Variants in DOCK1 observed in about 807,000 individuals in gnomAD.
DOCK1 encodes dedicator of cytokinesis 1.
DOCK1 carries 138 observed loss-of-function variants against 262.7 expected under a neutral mutation model. The ratio of observed to expected loss-of-function variants is 0.53; its 90% CI spans 0.46 to 0.61. The LOEUF (loss-of-function observed/expected upper bound fraction) is 0.61, where lower values mean the gene tolerates loss of function less well. DOCK1 is among the 20% of genes least tolerant of loss of function. The pLI, the probability that DOCK1 is intolerant of heterozygous loss-of-function variation, is 0.00. For missense variants in DOCK1, 1,908 were observed against 2,370.7 expected (o/e 0.80, Z 4.05); for synonymous variants, 866 against 867.4 (o/e 1.00, Z 0.03).
chr10:127,309,744 T>C (rs1268613840), intron 29 of DOCK1, among the ~76,000 whole-genome samples: 1 of 152,234 alleles, frequency 6.6e-6, no homozygotes, highest in Admixed American at 6.5e-5. Context: ...TGATCATTTT[T>C]AAGGCTGGTT....
chr10:127,321,349 GCT>G (rs1181178984), intron 29 of DOCK1, among the ~76,000 whole-genome samples: 2 of 107,006 alleles, frequency 1.9e-5, no homozygotes, highest in Non-Finnish European at 3.5e-5. Context: ...CCCTTCTCTC[GCT>G]CTCTCTCTAG....
chr10:127,098,905 A>C (rs1189390385), intron 23 of DOCK1, among the ~76,000 whole-genome samples: 1 of 152,184 alleles, frequency 6.6e-6, no homozygotes, highest in Non-Finnish European at 1.5e-5. Flanking sequence ...CACAGAGGAA[A>C]CTGAAGGTTT....
intron 23 of DOCK1, among the ~76,000 whole-genome samples, chr10:127,077,463 C>T (rs746870972): frequency 5.3e-5 from 8 of 152,152 alleles, no homozygotes; most frequent in Admixed American, 6.5e-5. Flanking sequence ...TGCTTCATGT[C>T]GGTTGGCTTC....
intron 29 of DOCK1, among the ~76,000 whole-genome samples, chr10:127,330,275 C>A (rs2062918910): frequency 6.6e-6 from 1 of 151,986 alleles, no homozygotes; most frequent in South Asian, 2.1e-4. Context: ...TTTAAAGAAC[C>A]AACACAGGCA....
intron 27 of DOCK1, among the ~76,000 whole-genome samples, chr10:127,179,051 T>C (rs1188127521): frequency 6.6e-6 from 1 of 152,206 alleles, no homozygotes; most frequent in African/African-American, 2.4e-5. Context: ...AGGGAAAATT[T>C]GAAAGAGAGA....
chr10:127,053,301 C>T (rs1305580367), intron 22 of DOCK1, among the ~76,000 whole-genome samples: 1 of 152,186 alleles, frequency 6.6e-6, no homozygotes, highest in Non-Finnish European at 1.5e-5. Flanking sequence ...GAGATCGCGC[C>T]ACTGCACTCC....
chr10:126,968,732 G>A (rs1321936489), intron 1 of DOCK1, among the ~76,000 whole-genome samples: 1 of 152,308 alleles, frequency 6.6e-6, no homozygotes, highest in Non-Finnish European at 1.5e-5. Flanking sequence ...ATGTATTTAT[G>A]GTTCCTGAAG....
At chr10:126,941,670 G>T (rs1300674366) in intron 1 of DOCK1, among the ~76,000 whole-genome samples, 1 of 152,108 alleles carries the variant, frequency 6.6e-6, no homozygotes, top group Non-Finnish European at 1.5e-5. Context: ...CAGGAGAATG[G>T]CGTGAACCCG....
At chr10:126,975,392 G>A (rs1179980914) in intron 2 of DOCK1, among the ~76,000 whole-genome samples, 2 of 152,178 alleles carry the variant, frequency 1.3e-5, no homozygotes, top group Non-Finnish European at 2.9e-5. Flanking sequence ...GTGTGGAGAT[G>A]TAGACTTTGG....
chr10:127,443,741 C>T (rs1316450045), intron 49 of DOCK1, among the ~76,000 whole-genome samples: 1 of 152,138 alleles, frequency 6.6e-6, no homozygotes, highest in Non-Finnish European at 1.5e-5. Context: ...CAGCATGTAG[C>T]TAGTTACATT....
chr10:127,146,263 C>G (rs2051842074), intron 27 of DOCK1: 1 of 230,754 alleles, frequency 4.3e-6, no homozygotes, highest in Non-Finnish European at 8.6e-6. Flanking sequence ...TAAATTTTAA[C>G]TAATTGTTTC....
rs115999303 is a variant in DOCK1, at chr10:127,287,697, A to T, written c.3044+30268A>T. On this transcript the variant is annotated intron_variant, in intron 29 of 51. Coordinates refer to ENST00000623213, the MANE Select transcript of DOCK1 (RefSeq NM_001290223.2). ...TGTTTGTTGTTGTTTTTTAGCAAGA[A>T]TACCTGATAAGTGGTGTGGTGTTCT... is the stretch of plus-strand genomic sequence containing the variant. Among the ~76,000 whole-genome samples the T allele has an allele frequency of 3.2e-3, 493 of 152,276 alleles. 1 individual carries two copies. The highest frequency in any genetic ancestry group is 0.01 in the African/African-American group (426 of 41,560).
chr10:127,168,223 T>G (rs1403060366), intron 27 of DOCK1, among the ~76,000 whole-genome samples: 2 of 152,168 alleles, frequency 1.3e-5, no homozygotes, highest in African/African-American at 4.8e-5. Flanking sequence ...ACCAAGTGCA[T>G]GGGAGGCTGA....
At chr10:126,914,173 A>C (rs1162519844) in intron 1 of DOCK1, among the ~76,000 whole-genome samples, 2 of 152,146 alleles carry the variant, frequency 1.3e-5, no homozygotes, top group Non-Finnish European at 2.9e-5. Flanking sequence ...CAGAATTTTA[A>C]TGTTAGCTCT....
intron 29 of DOCK1, among the ~76,000 whole-genome samples, chr10:127,278,663 G>C (rs2060832917): frequency 6.6e-6 from 1 of 152,212 alleles, no homozygotes; most frequent in African/African-American, 2.4e-5. Context: ...CTGTGAGGCT[G>C]GCCACGCACA....
At chr10:127,363,030 TGCACCTCC>T in intron 33 of DOCK1, among the ~76,000 whole-genome samples, 1 of 81,302 alleles carries the variant, frequency 1.2e-5, no homozygotes, top group Admixed American at 1.5e-4. Flanking sequence ...CACACACACA[TGCACCTCC>T]CCCCACACAC....
chr10:126,997,948 G>A (rs918190220), intron 7 of DOCK1, 144 bp from the exon 8 acceptor site: 2 of 996,462 alleles, frequency 2.0e-6, no homozygotes, highest in East Asian at 2.6e-5. Flanking sequence ...AATGTGCAGG[G>A]GAGATAAGAA....
chr10:127,255,165 C>A (rs142204482), intron 28 of DOCK1, among the ~76,000 whole-genome samples: 1 of 151,984 alleles, frequency 6.6e-6, no homozygotes, highest in Non-Finnish European at 1.5e-5. Context: ...TTTGGGAGGC[C>A]GAGGCAGGAG....
chr10:126,999,629 A>G (rs950047303), intron 9 of DOCK1, among the ~76,000 whole-genome samples, 194 bp downstream of exon 9: 1 of 152,188 alleles, frequency 6.6e-6, no homozygotes, highest in African/African-American at 2.4e-5. Context: ...AATCACCGTG[A>G]CAAAGATTTA....
Sources: allele counts gnomAD v4.1 joint callset (sites outside exome capture counted in the v4.1 genomes callset), GRCh38; gene constraint gnomAD v4.1.1; transcripts MANE v1.5; gene names NCBI Gene and HGNC (gene_info 2026-07-23, HGNC 2026-07-21).